Variants in C2CD2 observed in about 807,000 individuals in gnomAD.
C2CD2 encodes the protein C2 calcium dependent domain containing 2, also known as C2 domain-containing protein 2.
Under a neutral mutation model 74.3 loss-of-function variants are expected in C2CD2, and 43 were observed. That is an observed-to-expected ratio of 0.58 (90% CI 0.45 to 0.75). The LOEUF is 0.75. Ranked by LOEUF, C2CD2 falls within the 30% of genes least tolerant of loss-of-function variation. The probability of loss-of-function intolerance (pLI) is 0.00; values close to 1 mark genes in which losing one functional copy is unlikely to be tolerated. For missense variants in C2CD2, 801 were observed against 916.3 expected (o/e 0.87, Z 1.63); for synonymous variants, 422 against 390.7 (o/e 1.08, Z -0.94).
intron 12 of C2CD2, among the ~76,000 whole-genome samples, chr21:41,900,036 C>A (rs1174755757): frequency 6.6e-6 from 1 of 152,050 alleles, no homozygotes; most frequent in Non-Finnish European, 1.5e-5. Flanking sequence ...GACAACTGTG[C>A]TGTTCTGACT....
Position 41,926,340 on chromosome 21 carries a change from G to A in C2CD2, c.379-4255C>T, listed in dbSNP as rs535060276. On this transcript the variant is annotated intron_variant, in intron 2 of 13. Transcript: ENST00000380486. The surrounding 1 kb of genome is among the most constrained non-coding windows in gnomAD (Gnocchi z 8.0). ...CTGTATAAGTGACAGAGTGTTTTTC[G>A]GAGTGGGGGGCTATTCACGGTAAGT... 99 of 464,844 alleles carry A rather than the reference G, an allele frequency of 2.1e-4. No homozygotes were observed. The highest frequency in any genetic ancestry group is 2.5e-4 in the Non-Finnish European group (88 of 354,204). 28.8% of individuals were successfully genotyped at this position (464,844 alleles called of 1,614,324 possible).
intron 1 of C2CD2, among the ~76,000 whole-genome samples, chr21:41,947,917 G>A (rs1443835808): frequency 6.6e-6 from 1 of 152,192 alleles, no homozygotes; most frequent in East Asian, 1.9e-4. Flanking sequence ...TCCCTCCTCA[G>A]CAACCTACCA....
chr21:41,917,169 C>T (rs553807908), intron 5 of C2CD2, among the ~76,000 whole-genome samples: 2 of 152,152 alleles, frequency 1.3e-5, no homozygotes, highest in African/African-American at 2.4e-5. Context: ...CTCTTGTGAC[C>T]CCCATAGCCA....
rs538960975 is a variant in C2CD2, at chr21:41,939,367, A to G, written c.378+2780T>C. On this transcript the variant is annotated intron_variant, in intron 2 of 13. Coordinates refer to ENST00000380486, the MANE Select transcript of C2CD2 (RefSeq NM_015500.2). The surrounding 1 kb of genome is among the most constrained non-coding windows in gnomAD (Gnocchi z 5.5). ...CTATTTCCACAGCCCCGCTTCCTCC[A>G]CTCCCTGTCCAGACCAGCCCTGAAC... 2.6e-5 allele frequency among the ~76,000 whole-genome samples: 4 copies of G among 151,716 alleles called. No individual in the cohort carries two copies. In the East Asian group the frequency reaches 7.8e-4, roughly 29 times the overall value.
intron 2 of C2CD2, among the ~76,000 whole-genome samples, chr21:41,941,889 C>T (rs148753554): frequency 6.6e-6 from 1 of 152,330 alleles, no homozygotes; most frequent in African/African-American, 2.4e-5. Flanking sequence ...GCTTTTTCTA[C>T]TTGACACGGT....
chr21:41,922,160 C>CT (rs375824611), intron 2 of C2CD2, 75 bp from the exon 3 acceptor site: 113,403 of 702,384 alleles, frequency 0.16, 6,090 homozygotes, highest in Admixed American at 0.18. Flanking sequence ...TCTTCTTCTT[C>CT]TTCTTTTTTT....
intron 2 of C2CD2, among the ~76,000 whole-genome samples, chr21:41,935,709 G>C (rs1372769946): frequency 6.6e-6 from 1 of 152,088 alleles, no homozygotes; most frequent in African/African-American, 2.4e-5. Flanking sequence ...AAAATTCACA[G>C]GGCGTGGTGG....
At chr21:41,942,947 C>T in intron 1 of C2CD2, 3 of 984,824 alleles carry the variant, frequency 3.0e-6, no homozygotes, top group Non-Finnish European at 3.6e-6. Context: ...TGCATGTTCC[C>T]CCAGCATCCT....
chr21:41,897,393 C>G (rs2146140644), intron 13 of C2CD2, among the ~76,000 whole-genome samples: 1 of 152,274 alleles, frequency 6.6e-6, no homozygotes, highest in South Asian at 2.1e-4. Context: ...CCGCTTCGCC[C>G]AGCACTCACT....
chr21:41,942,043 C>G (rs1569082109), intron 2 of C2CD2, 104 bp downstream of exon 2: 3 of 1,412,668 alleles, frequency 2.1e-6, no homozygotes, highest in East Asian at 5.2e-5. Flanking sequence ...GATTTTTTTC[C>G]TAGTGTAAGG....
intron 3 of C2CD2, among the ~76,000 whole-genome samples, chr21:41,919,606 A>C (rs572797397): frequency 9.8e-5 from 15 of 152,314 alleles, no homozygotes; most frequent in Non-Finnish European, 2.2e-4. Context: ...AGGGCGCCTC[A>C]TTCTAATCCT....
rs1330179708 is a variant in C2CD2 at position 41,929,176 on chromosome 21, G to A, written c.379-7091C>T. ...TGGTTTATTTTGTGCTGTGGTTGGA[G>A]CTAGATTCTGGAGGCCAAATGAGGT... On this transcript the variant is annotated intron_variant, in intron 2 of 13. Transcript: ENST00000380486. The surrounding 1 kb of genome is among the most constrained non-coding windows in gnomAD (Gnocchi z 4.6). Among the ~76,000 whole-genome samples, 1 of 152,132 alleles carries A rather than the reference G, an allele frequency of 6.6e-6. No individual in the cohort carries two copies. The highest frequency in any genetic ancestry group is 1.9e-4 in the East Asian group (1 of 5,192).
At chr21:41,909,026 G>C (rs1352195308) in intron 8 of C2CD2, among the ~76,000 whole-genome samples, 1 of 152,156 alleles carries the variant, frequency 6.6e-6, no homozygotes, top group Non-Finnish European at 1.5e-5. Flanking sequence ...GGTGATGGTT[G>C]CACAACCGTG....
rs117993426 is a variant in C2CD2 at position 41,932,395 on chromosome 21, A to G, written c.378+9752T>C. ...TGAGTTCTGTGCTATGAGCCGCTCTAGTAAAATATGTGAACCTCAGTGGGG... is the reference window on the plus strand; with the variant it reads ...TGAGTTCTGTGCTATGAGCCGCTCTGGTAAAATATGTGAACCTCAGTGGGG... On this transcript the variant is annotated intron_variant, in intron 2 of 13. Transcript: ENST00000380486. Among the ~76,000 whole-genome samples the G allele has an allele frequency of 2.9e-3, 435 of 149,276 alleles. 32 individuals carry two copies. The highest frequency in any genetic ancestry group is 6.9e-3 in the Middle Eastern group (2 of 290).
chr21:41,909,862 T>C lies in C2CD2; in HGVS notation c.954-339A>G, dbSNP rs565666150. ...CGTCATTTTAAAAAATTTCCATTAA[T>C]TTAATTTAAAGAGACACATGTGGCC... On this transcript the variant is annotated intron_variant, in intron 7 of 13. Coordinates refer to ENST00000380486, the MANE Select transcript of C2CD2 (RefSeq NM_015500.2). Among the ~76,000 whole-genome samples, 4 of 152,186 alleles carry C rather than the reference T, an allele frequency of 2.6e-5. No homozygotes were observed. In the East Asian group the frequency reaches 7.7e-4, roughly 29 times the overall value.
At chr21:41,947,979 C>T (rs534705080) in intron 1 of C2CD2, among the ~76,000 whole-genome samples, 2 of 152,308 alleles carry the variant, frequency 1.3e-5, no homozygotes, top group Non-Finnish European at 2.9e-5. Context: ...TTGATGTGAA[C>T]GCTACACCCA....
chr21:41,915,098 G>A (rs774678695), intron 5 of C2CD2, among the ~76,000 whole-genome samples: 5 of 152,176 alleles, frequency 3.3e-5, no homozygotes, highest in Non-Finnish European at 5.9e-5. Context: ...GACCTCTTCC[G>A]CTGGCTGCGG....
chr21:41,901,519 GGACGTTAACCAA>G, intron 12 of C2CD2, 91 bp downstream of exon 12: 1 of 1,180,174 alleles, frequency 8.5e-7, no homozygotes, highest in South Asian at 1.2e-5. Flanking sequence ...GGAACTCTCT[GGACGTTAACCAA>G]GTGCTTGGGC....
At position 41,945,239 on chromosome 21, in the gene C2CD2, G is replaced by A. The variant is rs1355788306; in HGVS notation, c.280-2994C>T. Reference sequence around the variant, plus strand: ...AACCCAAGGTACAGGATACAATCACGGTTTTTCAGATAAACACAGAGAGAA... The same window carrying A: ...AACCCAAGGTACAGGATACAATCACAGTTTTTCAGATAAACACAGAGAGAA... On this transcript the variant is annotated intron_variant, in intron 1 of 13. Transcript: ENST00000380486. The surrounding 1 kb of genome is among the most constrained non-coding windows in gnomAD (Gnocchi z 4.2). Among the ~76,000 whole-genome samples the A allele has an allele frequency of 6.6e-6, 1 of 152,124 alleles. No individual in the cohort carries two copies. Among genetic ancestry groups the A allele is most frequent in the Non-Finnish European group, 1.5e-5 (1 of 68,034 alleles).
Sources: gnomAD v4.1 joint callset for allele counts (sites outside exome capture counted in the v4.1 genomes callset) on GRCh38, gnomAD v4.1.1 for gene constraint, Gnocchi (gnomAD v3.1) non-coding constraint, MANE v1.5 for transcripts, NCBI Gene and HGNC (gene_info 2026-07-23, HGNC 2026-07-21) for gene names.